Variants in FAM227B observed in about 807,000 individuals in gnomAD.
The protein encoded by FAM227B is family with sequence similarity 227 member B, also known as protein FAM227B.
In FAM227B, 88 loss-of-function variants were observed where a neutral mutation model predicts 73.8. The observed-to-expected ratio is 1.19, with a 90% CI of 1.00 to 1.42. FAM227B has a LOEUF of 1.42. Ranked by LOEUF, FAM227B falls within the 40% of genes most tolerant of loss-of-function variation. FAM227B has a pLI of 0.00. For synonymous variants in FAM227B, 210 were observed against 190.5 expected (o/e 1.10, Z -0.84); for missense variants, 632 against 590.9 (o/e 1.07, Z -0.72).
At position 49,493,872 on chromosome 15, in the gene FAM227B, G is replaced by GTATA. The variant is rs35761163; in HGVS notation, c.1012+14335_1012+14338dup. 4.6e-3 allele frequency among the ~76,000 whole-genome samples: 676 copies of GTATA among 148,006 alleles called. 4 individuals carry two copies. The highest frequency in any genetic ancestry group is 0.024 in the East Asian group (119 of 5,018). On this transcript the variant is annotated intron_variant, in intron 11 of 15. Coordinates refer to ENST00000299338, the MANE Select transcript of FAM227B (RefSeq NM_152647.3). Reference sequence around the variant, plus strand: ...AAGGGGTCTGTGTATGTATGTATGTGTATATATATATATATATGTGTGTGT... The same window carrying GTATA: ...AAGGGGTCTGTGTATGTATGTATGTGTATATATATATATATATATATGTGTGTGT...
At chr15:49,424,274 G>T in intron 11 of FAM227B, 1 of 1,592,768 alleles carries the variant, frequency 6.3e-7, no homozygotes, top group South Asian at 1.1e-5. Context: ...TGTTATTCAT[G>T]AACACCCGGA....
intron 9 of FAM227B, among the ~76,000 whole-genome samples, chr15:49,542,810 A>T (rs1400557259): frequency 2.0e-5 from 3 of 151,570 alleles, no homozygotes; most frequent in Non-Finnish European, 4.4e-5. Context: ...TTATATAGGT[A>T]AATTACATGT....
At chr15:49,355,434 G>A (rs1403514398) in intron 13 of FAM227B, among the ~76,000 whole-genome samples, 3 of 152,312 alleles carry the variant, frequency 2.0e-5, no homozygotes, top group Admixed American at 6.5e-5. Context: ...CGAGAACTAC[G>A]TGAAGAATGC....
intron 11 of FAM227B, among the ~76,000 whole-genome samples, chr15:49,377,588 TTG>T (rs1479591228): frequency 6.6e-6 from 1 of 152,170 alleles, no homozygotes; most frequent in African/African-American, 2.4e-5. Flanking sequence ...CAGTTTTGAT[TTG>T]CATTTCTCTG....
intron 11 of FAM227B, among the ~76,000 whole-genome samples, chr15:49,463,875 T>G (rs2054025085): frequency 6.6e-6 from 1 of 152,218 alleles, no homozygotes; most frequent in Admixed American, 6.5e-5. Context: ...AAATATCGTT[T>G]TTTAGACTAC....
intron 11 of FAM227B, among the ~76,000 whole-genome samples, chr15:49,502,492 T>C (rs2058224025): frequency 6.6e-6 from 1 of 152,254 alleles, no homozygotes; most frequent in Admixed American, 6.5e-5. Context: ...GCATTGGGCC[T>C]TCAGTTCTTT....
chr15:49,498,644 C>T lies in FAM227B; in HGVS notation c.1012+9567G>A, dbSNP rs533302917. Among the ~76,000 whole-genome samples, 6 of 152,268 alleles carry T rather than the reference C, an allele frequency of 3.9e-5. No individual in the cohort carries two copies. In the East Asian group the frequency reaches 5.8e-4, roughly 15 times the overall value. ...TTAGAGATAAATAAAATATATAATA[C>T]ACTTTCAAGCTTTTTAAAAGGCACA... On this transcript the variant is annotated intron_variant, in intron 11 of 15. Coordinates refer to ENST00000299338, the MANE Select transcript of FAM227B (RefSeq NM_152647.3).
chr15:49,417,710 T>C (rs2049314568), intron 11 of FAM227B, among the ~76,000 whole-genome samples: 8 of 152,116 alleles, frequency 5.3e-5, no homozygotes, highest in Admixed American at 5.2e-4. Context: ...CTTAAAACTA[T>C]AAAAACCCTG....
intron 8 of FAM227B, 84 bp from the exon 9 acceptor site, chr15:49,568,430 C>G (rs751056008): frequency 4.2e-5 from 47 of 1,114,414 alleles, no homozygotes; most frequent in Non-Finnish European, 3.9e-5. Context: ...TTCATTTATT[C>G]TCATGAGCAG....
Position 49,614,995 on chromosome 15 carries a change from A to C in FAM227B, c.51+126T>G, listed in dbSNP as rs1237750999. 3 of 823,912 alleles carry C rather than the reference A, an allele frequency of 3.6e-6. No homozygotes were observed. In the African/African-American group the frequency reaches 5.1e-5, roughly 14 times the overall value. The allele number at this position is 823,912 out of a possible 1,614,324, so 51.0% of individuals were successfully genotyped here. A position where few individuals can be genotyped will look rare whatever the true frequency, so the allele number is the denominator to read the frequency against. Reference sequence around the variant, plus strand: ...TTGGCCATCTGTGCAGCGAGCATTAAGACCTAGACCAAACCCTTGGTGTTT... The same window carrying C: ...TTGGCCATCTGTGCAGCGAGCATTACGACCTAGACCAAACCCTTGGTGTTT... On this transcript the variant is annotated intron_variant, in intron 2 of 15. Coordinates refer to ENST00000299338, the MANE Select transcript of FAM227B (RefSeq NM_152647.3).
At chr15:49,404,827 G>A (rs2048407776) in intron 11 of FAM227B, among the ~76,000 whole-genome samples, 1 of 151,592 alleles carries the variant, frequency 6.6e-6, no homozygotes, top group African/African-American at 2.4e-5. Flanking sequence ...GTTCGTATGG[G>A]CGCTTGTTTA....
chr15:49,508,217 AT>A lies in FAM227B; in HGVS notation c.1005del (p.Ser336GlnfsTer9). ...ATACAGAAACTTTACTTACTAGTTG[AT>A]ATATGTTCTTGACTGTCTGCAATTC... ...KERIADSQEH[I>X]STSIDFNIIK... On this transcript the variant is annotated frameshift_variant, in exon 11 of 16. Coordinates refer to ENST00000299338, the MANE Select transcript of FAM227B (RefSeq NM_152647.3). LOFTEE classifies it high-confidence loss of function. 1 of 1,606,164 alleles carries A rather than the reference AT, an allele frequency of 6.2e-7. No individual in the cohort carries two copies. The highest frequency in any genetic ancestry group is 8.5e-7 in the Non-Finnish European group (1 of 1,177,304).
chr15:49,377,398 G>C (rs1280898449), intron 11 of FAM227B, among the ~76,000 whole-genome samples: 1 of 152,022 alleles, frequency 6.6e-6, no homozygotes. Context: ...GAGATTACTA[G>C]ATTATATGGT....
At chr15:49,462,897 C>G (rs898614921) in intron 11 of FAM227B, among the ~76,000 whole-genome samples, 1 of 152,036 alleles carries the variant, frequency 6.6e-6, no homozygotes, top group Admixed American at 6.6e-5. Context: ...TTCTCTAGGT[C>G]CTAAGGCACT....
intron 3 of FAM227B, among the ~76,000 whole-genome samples, chr15:49,594,635 T>A (rs1036503354): frequency 6.6e-6 from 1 of 152,204 alleles, no homozygotes; most frequent in East Asian, 1.9e-4. Flanking sequence ...TTCATCCTTT[T>A]AACATGTGGC....
At chr15:49,559,420 T>G (rs930115573) in intron 9 of FAM227B, among the ~76,000 whole-genome samples, 1 of 152,048 alleles carries the variant, frequency 6.6e-6, no homozygotes, top group Non-Finnish European at 1.5e-5. Context: ...AGCACCTCAA[T>G]AAACAAAGAT....
chr15:49,551,155 G>A lies in FAM227B; in HGVS notation c.748-9349C>T, dbSNP rs562982391. Among the ~76,000 whole-genome samples, 165 of 152,312 alleles carry A rather than the reference G, an allele frequency of 1.1e-3. 7 individuals carry two copies. The South Asian group carries it at 0.03, about 28-fold the overall frequency. ...AAACCAGTCAGGCGTGGCGTCACGC[G>A]CCTGCAATTGCAGGCACTCGGCAGG... is the stretch of plus-strand genomic sequence containing the variant. On this transcript the variant is annotated intron_variant, in intron 9 of 15. Transcript: ENST00000299338.
chr15:49,508,461 T>G, intron 10 of FAM227B, 113 bp from the exon 11 acceptor site: 1 of 984,286 alleles, frequency 1.0e-6, no homozygotes, highest in Non-Finnish European at 1.4e-6. Context: ...AACAAAAAAG[T>G]TCCTTTTTTG....
chr15:49,464,863 C>A (rs2054123868), intron 11 of FAM227B, among the ~76,000 whole-genome samples: 1 of 152,068 alleles, frequency 6.6e-6, no homozygotes, highest in Non-Finnish European at 1.5e-5. Context: ...ATGGAAGCAT[C>A]CTGCAATTAG....
Sources: gnomAD v4.1 joint callset for allele counts (sites outside exome capture counted in the v4.1 genomes callset) on GRCh38, gnomAD v4.1.1 for gene constraint, MANE v1.5 for transcripts, NCBI Gene and HGNC (gene_info 2026-07-23, HGNC 2026-07-21) for gene names.